SLC6A6: variants seen among roughly 807,000 people sequenced by gnomAD.
SLC6A6 encodes the protein sodium- and chloride-dependent taurine transporter.
In SLC6A6, 16 loss-of-function variants were observed where a neutral mutation model predicts 68.8. That is an observed-to-expected ratio of 0.23 (90% CI 0.16 to 0.35). The LOEUF is 0.35. SLC6A6 is among the 10% of genes least tolerant of loss of function. The pLI is 1.00. For missense variants in SLC6A6, 474 were observed against 802.8 expected, an observed-to-expected ratio of 0.59 and a Z score of 4.95; for synonymous variants, 312 against 315.4, an observed-to-expected ratio of 0.99 and a Z score of 0.12.
intron 4 of SLC6A6, 72 bp from the exon 5 acceptor site, chr3:14,447,510 C>T: frequency 6.3e-7 from 1 of 1,582,750 alleles, no homozygotes; most frequent in Middle Eastern, 1.7e-4. Flanking sequence ...CATGGCCTTC[C>T]AGTTGAGTAT....
intron 1 of SLC6A6, among the ~76,000 whole-genome samples, chr3:14,405,099 G>A (rs376766010): frequency 3.3e-5 from 5 of 152,188 alleles, no homozygotes; most frequent in African/African-American, 1.2e-4. Context: ...GCCCCATGGG[G>A]CTTTGGTCAC....
At chr3:14,444,830 G>A (rs1342426432) in intron 3 of SLC6A6, 2 of 456,462 alleles carry the variant, frequency 4.4e-6, no homozygotes, top group Non-Finnish European at 8.8e-6. Flanking sequence ...AGTTTCAAAG[G>A]GTTTATGGAC....
intron 6 of SLC6A6, among the ~76,000 whole-genome samples, chr3:14,464,383 G>GT (rs1700567286): frequency 6.6e-6 from 1 of 152,164 alleles, no homozygotes; most frequent in African/African-American, 2.4e-5. Context: ...CAGTTTTATT[G>GT]TTGCAAAATG....
At chr3:14,426,035 C>T (rs186825360) in intron 2 of SLC6A6, among the ~76,000 whole-genome samples, 251 of 152,294 alleles carry the variant, frequency 1.6e-3, no homozygotes, top group African/African-American at 5.4e-3. Context: ...TTGAGGCCAG[C>T]TGCCACCCGG....
At chr3:14,433,780 G>A (rs972598464) in intron 2 of SLC6A6, among the ~76,000 whole-genome samples, 4 of 137,696 alleles carry the variant, frequency 2.9e-5, no homozygotes, top group Non-Finnish European at 4.6e-5. Flanking sequence ...TCCAGCTTGG[G>A]CAACAGAGCT....
At chr3:14,406,808 G>A (rs963976297) in intron 1 of SLC6A6, among the ~76,000 whole-genome samples, 5 of 152,176 alleles carry the variant, frequency 3.3e-5, no homozygotes, top group Non-Finnish European at 5.9e-5. Flanking sequence ...GCGTTGTGTG[G>A]CCAACCACCC....
At chr3:14,443,454 A>G (rs956614921) in intron 2 of SLC6A6, among the ~76,000 whole-genome samples, 170 bp from the exon 3 acceptor site, 2 of 152,150 alleles carry the variant, frequency 1.3e-5, no homozygotes, top group African/African-American at 4.8e-5. Flanking sequence ...AGGGGTCTGA[A>G]TGACTCCTGA....
In SLC6A6 at chr3:14,402,889, C is replaced by T; in HGVS notation, c.-54+42C>T. The T allele has an allele frequency of 2.6e-6, 1 of 390,864 alleles. No homozygotes were observed. Among genetic ancestry groups the T allele is most frequent in the Non-Finnish European group, 4.5e-6 (1 of 220,934 alleles). 24.2% of individuals were successfully genotyped at this position (390,864 alleles called of 1,614,324 possible). ...GAGCTGGGCGCGCAGCCGGCGCTGC[C>T]CGCCGTCTGCAGCCCCTCCCCATCC... On this transcript the variant is annotated intron_variant, in intron 1 of 14. Coordinates refer to ENST00000622186, the MANE Select transcript of SLC6A6 (RefSeq NM_003043.6). This position sits in a 1 kb window ranked among gnomAD's most constrained non-coding sequence, Gnocchi z 4.8.
At position 14,409,055 on chromosome 3, in the gene SLC6A6, G is replaced by A. The variant is rs375677835; in HGVS notation, c.-54+6208G>A. On this transcript the variant is annotated intron_variant, in intron 1 of 14. Transcript: ENST00000622186. ...GATCTCCTGACCTGGTGATCTGCCC[G>A]CCTCGGCCTCCCAAAGTGCTGGGAT... is the stretch of plus-strand genomic sequence containing the variant. 3.2e-4 allele frequency among the ~76,000 whole-genome samples: 48 copies of A among 152,268 alleles called. 1 individual carries two copies. In the East Asian group the frequency reaches 7.5e-3, roughly 24 times the overall value.
At chr3:14,403,164 T>A (rs181427707) in intron 1 of SLC6A6, among the ~76,000 whole-genome samples, 2 of 152,038 alleles carry the variant, frequency 1.3e-5, no homozygotes, top group Non-Finnish European at 1.5e-5. Flanking sequence ...TGCCTACATG[T>A]GCCTCCGTAT....
chr3:14,439,822 C>T lies in SLC6A6; in HGVS notation c.-11-3802C>T, dbSNP rs549582830. ...TTTGCAGAGGTGCACAGAGATACTCCGGGGACTCCCTGGAGGGTGTCCTCT... is the reference window on the plus strand; with the variant it reads ...TTTGCAGAGGTGCACAGAGATACTCTGGGGACTCCCTGGAGGGTGTCCTCT... On this transcript the variant is annotated intron_variant, in intron 2 of 14. Coordinates refer to ENST00000622186, the MANE Select transcript of SLC6A6 (RefSeq NM_003043.6). Among the ~76,000 whole-genome samples, 12 of 152,184 alleles carry T rather than the reference C, an allele frequency of 7.9e-5. 1 individual carries two copies. The South Asian group carries it at 8.3e-4, about 11-fold the overall frequency.
At chr3:14,471,915 T>G (rs1158583329) in intron 9 of SLC6A6, among the ~76,000 whole-genome samples, 1 of 152,186 alleles carries the variant, frequency 6.6e-6, no homozygotes, top group Non-Finnish European at 1.5e-5. Flanking sequence ...GACCAAGCCC[T>G]GGGCTCAGTC....
intron 2 of SLC6A6, among the ~76,000 whole-genome samples, chr3:14,425,517 A>G (rs1303166804): frequency 6.6e-6 from 1 of 152,172 alleles, no homozygotes; most frequent in African/African-American, 2.4e-5. Context: ...ATTAAAAAGG[A>G]CGGATTTCTT....
chr3:14,483,524 A>G (rs1574971290), intron 14 of SLC6A6, among the ~76,000 whole-genome samples: 1 of 152,104 alleles, frequency 6.6e-6, no homozygotes, highest in South Asian at 2.1e-4. Flanking sequence ...AGCCCATTGT[A>G]TGGATGTGGA....
intron 2 of SLC6A6, among the ~76,000 whole-genome samples, chr3:14,420,399 A>G (rs1275670786): frequency 6.6e-6 from 1 of 152,070 alleles, no homozygotes; most frequent in African/African-American, 2.4e-5. Context: ...GTTGTAAGCC[A>G]TGATTTGTTT....
intron 2 of SLC6A6, among the ~76,000 whole-genome samples, chr3:14,434,050 A>T (rs949927734): frequency 2.6e-5 from 4 of 152,048 alleles, no homozygotes; most frequent in African/African-American, 4.8e-5. Context: ...CTGTTTCTTC[A>T]CTATGTGCAC....
chr3:14,436,871 C>T (rs1699868637), intron 2 of SLC6A6, among the ~76,000 whole-genome samples: 1 of 152,204 alleles, frequency 6.6e-6, no homozygotes. Context: ...CCGTCTCCAT[C>T]ATGTGGCCCT....
At chr3:14,438,483 G>T (rs910362286) in intron 2 of SLC6A6, among the ~76,000 whole-genome samples, 4 of 152,150 alleles carry the variant, frequency 2.6e-5, no homozygotes, top group Non-Finnish European at 2.9e-5. Context: ...CGGGGCAAGG[G>T]GTCCAGCCAG....
At position 14,446,420 on chromosome 3, in the gene SLC6A6, G is replaced by A. The variant is rs150970149; in HGVS notation, c.364+569G>A. Among the ~76,000 whole-genome samples the A allele has an allele frequency of 5.4e-3, 821 of 152,284 alleles. 15 individuals carry two copies. Among genetic ancestry groups the A allele is most frequent in the African/African-American group, 0.019 (784 of 41,554 alleles). Reference sequence around the variant, plus strand: ...GACGCTGGGGACTCCACAAGGGGCGGGGAGCAAGGGCTGAAAGACTACCTA... The same window carrying A: ...GACGCTGGGGACTCCACAAGGGGCGAGGAGCAAGGGCTGAAAGACTACCTA... On this transcript the variant is annotated intron_variant, in intron 4 of 14. Coordinates refer to ENST00000622186, the MANE Select transcript of SLC6A6 (RefSeq NM_003043.6).
Sources: gnomAD v4.1 joint callset for allele counts (sites outside exome capture counted in the v4.1 genomes callset) on GRCh38, gnomAD v4.1.1 for gene constraint, Gnocchi (gnomAD v3.1) non-coding constraint, MANE v1.5 for transcripts, NCBI Gene and HGNC (gene_info 2026-07-23, HGNC 2026-07-21) for gene names.